The following PARD3 variants were observed in gnomAD, a reference collection of about 807,000 sequenced individuals.
The protein encoded by PARD3 is partitioning defective 3 homolog.
A neutral mutation model predicts 155.4 loss-of-function variants in PARD3; 75 were observed. The ratio of observed to expected loss-of-function variants is 0.48; its 90% confidence interval spans 0.40 to 0.58. PARD3 has a LOEUF of 0.58. Ranked by LOEUF, PARD3 falls within the 20% of genes least tolerant of loss-of-function variation. The probability of loss-of-function intolerance (pLI) is 0.00; values close to 1 mark genes in which losing one functional copy is unlikely to be tolerated. For missense variants in PARD3, 1,642 were observed against 1,721.7 expected, an observed-to-expected ratio of 0.95 and a Z score of 0.82; for synonymous variants, 576 against 610.5, an observed-to-expected ratio of 0.94 and a Z score of 0.83.
intron 2 of PARD3, among the ~76,000 whole-genome samples, chr10:34,629,226 A>T (rs1243549848): frequency 6.6e-6 from 1 of 152,216 alleles, no homozygotes; most frequent in Non-Finnish European, 1.5e-5. Flanking sequence ...CTCATATTAA[A>T]CATTTTCAAT....
chr10:34,808,987 GCCTTGAACCTCGCC>G (rs1188688710), intron 1 of PARD3, among the ~76,000 whole-genome samples: 3 of 152,196 alleles, frequency 2.0e-5, no homozygotes, highest in Non-Finnish European at 4.4e-5. Context: ...CTGGCCACCT[GCCTTGAACCTCGCC>G]CAAGGCGAAT....
At chr10:34,806,537 C>T (rs1843411689) in intron 1 of PARD3, among the ~76,000 whole-genome samples, 1 of 151,812 alleles carries the variant, frequency 6.6e-6, no homozygotes, top group Non-Finnish European at 1.5e-5. Flanking sequence ...ACTATGTTGC[C>T]CAGGCTGGGT....
intron 11 of PARD3, among the ~76,000 whole-genome samples, chr10:34,373,249 T>C (rs1037619451): frequency 6.6e-6 from 1 of 151,556 alleles, no homozygotes; most frequent in Admixed American, 6.6e-5. Context: ...ACTGACGGCC[T>C]ACTGGCGTAC....
At chr10:34,779,882 A>G (rs954240902) in intron 1 of PARD3, among the ~76,000 whole-genome samples, 1 of 152,336 alleles carries the variant, frequency 6.6e-6, no homozygotes, top group South Asian at 2.1e-4. Context: ...TCCTATACAC[A>G]GGCAAATTCC....
chr10:34,470,705 C>A (rs2078294013), intron 3 of PARD3, among the ~76,000 whole-genome samples: 1 of 152,038 alleles, frequency 6.6e-6, no homozygotes, highest in Admixed American at 6.6e-5. Context: ...TGATCATTAC[C>A]CCAATATTTC....
At chr10:34,777,275 A>G (rs896880431) in intron 1 of PARD3, among the ~76,000 whole-genome samples, 1 of 151,522 alleles carries the variant, frequency 6.6e-6, no homozygotes, top group African/African-American at 2.4e-5. Context: ...CCTTCCCTCC[A>G]CCATCCCACC....
At chr10:34,707,411 T>C (rs2094381989) in intron 1 of PARD3, among the ~76,000 whole-genome samples, 1 of 152,022 alleles carries the variant, frequency 6.6e-6, no homozygotes, top group South Asian at 2.1e-4. Flanking sequence ...CACTGGAAAT[T>C]CCAATCCCAA....
chr10:34,546,657 G>GA (rs997705583), intron 2 of PARD3, among the ~76,000 whole-genome samples: 3 of 149,478 alleles, frequency 2.0e-5, no homozygotes, highest in Admixed American at 6.7e-5. Context: ...TTTATACAAA[G>GA]AAAAAAAAAG....
chr10:34,606,512 G>A (rs2090453172), intron 2 of PARD3, among the ~76,000 whole-genome samples: 1 of 151,818 alleles, frequency 6.6e-6, no homozygotes, highest in African/African-American at 2.4e-5. Flanking sequence ...ATAAAAGTTG[G>A]AGCATCAGCC....
intron 2 of PARD3, among the ~76,000 whole-genome samples, chr10:34,576,506 G>T (rs1043239476): frequency 6.6e-6 from 1 of 151,686 alleles, no homozygotes; most frequent in Admixed American, 6.6e-5. Flanking sequence ...GAAAAGAACA[G>T]GGACAAAAGA....
intron 2 of PARD3, among the ~76,000 whole-genome samples, chr10:34,633,913 T>A (rs2132853181): frequency 6.6e-6 from 1 of 152,336 alleles, no homozygotes; most frequent in East Asian, 1.9e-4. Context: ...GCTTCACTTT[T>A]CCTTTCTCTA....
intron 7 of PARD3, among the ~76,000 whole-genome samples, chr10:34,398,985 A>T (rs1843625177): frequency 6.6e-6 from 1 of 152,194 alleles, no homozygotes; most frequent in Non-Finnish European, 1.5e-5. Flanking sequence ...TCCCAAAAAA[A>T]GTGCTTTTAA....
chr10:34,750,077 C>T lies in PARD3; in HGVS notation c.121-53658G>A, dbSNP rs143598452. The stretch of plus-strand genomic sequence containing the variant: ...CACACACACACACACACACAAAACC[C>T]GCAGTCTCAATTTAAAAATTAACAG... On this transcript the variant is annotated intron_variant, in intron 1 of 24. Coordinates refer to ENST00000374788, the MANE Select transcript of PARD3 (RefSeq NM_001184785.2). 9.1e-3 allele frequency among the ~76,000 whole-genome samples: 1,333 copies of T among 146,686 alleles called. 15 individuals are homozygous for T. The highest frequency in any genetic ancestry group is 0.031 in the African/African-American group (1,222 of 39,356).
intron 22 of PARD3, among the ~76,000 whole-genome samples, chr10:34,255,021 A>G (rs2133766924): frequency 1.3e-5 from 2 of 152,352 alleles, no homozygotes; most frequent in South Asian, 4.1e-4. Flanking sequence ...AATCAGCTTT[A>G]GTTTTTGTTA....
At chr10:34,640,326 G>A (rs1252691942) in intron 2 of PARD3, among the ~76,000 whole-genome samples, 2 of 152,102 alleles carry the variant, frequency 1.3e-5, no homozygotes, top group Non-Finnish European at 2.9e-5. Flanking sequence ...CCTTTTAAAA[G>A]GCATTTTTGG....
At position 34,140,282 on chromosome 10, in the gene PARD3, A is replaced by C. The variant is rs186940174; in HGVS notation, c.3420-8699T>G. Among the ~76,000 whole-genome samples, 4 of 152,186 alleles carry C rather than the reference A, an allele frequency of 2.6e-5. No individual in the cohort carries two copies. The East Asian group carries it at 7.7e-4, about 29-fold the overall frequency. On this transcript the variant is annotated intron_variant, in intron 22 of 24. Coordinates refer to ENST00000374788, the MANE Select transcript of PARD3 (RefSeq NM_001184785.2). ...AGAAAAAACCTTTAAATGGCAATGG[A>C]TTTGTCTAAATTTTAATGATGAGCA...
intron 22 of PARD3, among the ~76,000 whole-genome samples, chr10:34,256,765 A>G (rs537556872): frequency 2.1e-5 from 3 of 142,006 alleles, no homozygotes; most frequent in South Asian, 4.4e-4. Context: ...TCAGTTTTAC[A>G]GAAATGTATA....
chr10:34,432,608 C>T (rs944351923), intron 5 of PARD3, among the ~76,000 whole-genome samples: 11 of 152,094 alleles, frequency 7.2e-5, no homozygotes, highest in African/African-American at 2.4e-4. Flanking sequence ...CTATATATGG[C>T]CCAGATCCAT....
intron 4 of PARD3, among the ~76,000 whole-genome samples, chr10:34,452,469 G>A (rs1467989185): frequency 6.6e-6 from 1 of 152,132 alleles, no homozygotes; most frequent in Non-Finnish European, 1.5e-5. Flanking sequence ...CTGGATATTT[G>A]CATAGTGACA....
Sources: allele counts gnomAD v4.1 joint callset (sites outside exome capture counted in the v4.1 genomes callset), GRCh38; gene constraint gnomAD v4.1.1; transcripts MANE v1.5; gene names NCBI Gene and HGNC (gene_info 2026-07-23, HGNC 2026-07-21).